The following THBS2 variants were observed in gnomAD, a reference collection of about 807,000 sequenced individuals.
THBS2 encodes the protein thrombospondin 2.
Under a neutral mutation model 135.2 loss-of-function variants are expected in THBS2, and 47 were observed. That is an observed-to-expected ratio of 0.35 (90% CI 0.28 to 0.44). The LOEUF is 0.44. Among genes scored for constraint, THBS2 ranks in the 20% least tolerant of loss-of-function variants. The pLI, the probability that THBS2 is intolerant of heterozygous loss-of-function variation, is 1.00. For missense variants in THBS2, 1,288 were observed against 1,603.1 expected, an observed-to-expected ratio of 0.80 and a Z score of 3.36; for synonymous variants, 639 against 633.8, an observed-to-expected ratio of 1.01 and a Z score of -0.12.
chr6:169,223,957 T>G (rs761071864), intron 17 of THBS2, among the ~76,000 whole-genome samples: 2 of 152,192 alleles, frequency 1.3e-5, no homozygotes, highest in Admixed American at 6.5e-5. Flanking sequence ...CGCTGTTTAG[T>G]GGGTCCTTGT....
chr6:169,220,677 A>G (rs533631498), intron 20 of THBS2, among the ~76,000 whole-genome samples: 2 of 152,328 alleles, frequency 1.3e-5, no homozygotes, highest in East Asian at 1.9e-4. Context: ...GACTCTCCCT[A>G]CTTCACCTTG....
intron 1 of THBS2, among the ~76,000 whole-genome samples, chr6:169,253,005 G>T (rs1326037939): frequency 6.6e-6 from 1 of 152,114 alleles, no homozygotes; most frequent in Non-Finnish European, 1.5e-5. Context: ...CCTTCCTTAA[G>T]TGGTAGCCAG....
Position 169,246,254 on chromosome 6 carries a change from A to G in THBS2, c.637T>C (p.Phe213Leu), listed in dbSNP as rs1267413127. The part of the protein sequence containing the change: ...RGLLQNVHLV[F>L]ENSVEDILSK... ...AGAATATCTTCCACAGAGTTTTCAA[A>G]CACTAGGTGGACGTTCTGAAGCAAA... The change falls in exon 4 of 22, where the codon TTT (phenylalanine) becomes CTT (leucine). Residue 213 changes from phenylalanine (F) to leucine (L), a missense_variant. By Grantham distance (22) the Phe-to-Leu change is conservative. This residue lies in a region of THBS2 where 414 missense variants were observed against 447.0 expected (regional missense o/e 0.93). Transcript: ENST00000617924. 1.2e-6 allele frequency: 2 copies of G among 1,613,848 alleles called. No homozygotes were observed. The highest frequency in any genetic ancestry group is 1.7e-6 in the Non-Finnish European group (2 of 1,180,010).
chr6:169,252,319 C>T lies in THBS2; in HGVS notation c.-23+1405G>A, dbSNP rs143463566. On this transcript the variant is annotated intron_variant, in intron 1 of 21. Coordinates refer to ENST00000617924, the MANE Select transcript of THBS2 (RefSeq NM_003247.5). The surrounding 1 kb of genome is among the most constrained non-coding windows in gnomAD (Gnocchi z 4.3). ...CCTGCATGCAGTAAGCACCACAGAA[C>T]GGTGTTAGAATACACAGCTCAGGTA... Among the ~76,000 whole-genome samples, 23 of 152,216 alleles carry T rather than the reference C, an allele frequency of 1.5e-4. No individual in the cohort carries two copies. The highest frequency in any genetic ancestry group is 9.7e-4 in the East Asian group (5 of 5,136).
At chr6:169,243,063 ACTCCCACCTTCCCACCTTCCCACTG>A (rs1780412757) in intron 4 of THBS2, among the ~76,000 whole-genome samples, 2 of 16,478 alleles carry the variant, frequency 1.2e-4, no homozygotes, top group African/African-American at 2.9e-4. Flanking sequence ...CCTTCCCACC[ACTCCCACCTTCCCACCTTCCCACTG>A]CTCCCACCTT....
At chr6:169,237,565 A>G in intron 8 of THBS2, 60 bp downstream of exon 8, 1 of 1,603,318 alleles carries the variant, frequency 6.2e-7, no homozygotes, top group Non-Finnish European at 8.5e-7. Context: ...GGTCCCGATG[A>G]CTGAGAGAAA....
chr6:169,218,679 A>AGATG (rs138854334), intron 21 of THBS2, among the ~76,000 whole-genome samples: 84,374 of 129,060 alleles, frequency 0.65, 27,389 homozygotes, highest in Middle Eastern at 0.78. Context: ...GCGGATGAGT[A>AGATG]GATGGATGGA....
At position 169,222,298 on chromosome 6, in the gene THBS2, A is replaced by G; in HGVS notation, c.3172T>C (p.Tyr1058His). 1 of 1,613,466 alleles carries G rather than the reference A, an allele frequency of 6.2e-7. No individual in the cohort carries two copies. The highest frequency in any genetic ancestry group is 2.2e-5 in the East Asian group (1 of 44,868). The change falls in exon 19 of 22, where the codon TAT becomes CAT. Residue 1058 changes from tyrosine to histidine, a missense_variant. Around this residue, in one of 2 missense-constraint regions of THBS2, gnomAD observed 874 missense variants for 1,156.1 expected, o/e 0.76. Coordinates refer to ENST00000617924, the MANE Select transcript of THBS2 (RefSeq NM_003247.5). The stretch of plus-strand genomic sequence containing the variant: ...TTGAGGGACACGCCGGAGTAGCCAT[A>G]GGCCCGCGTGGGCTGGTCCTCCCAG... ...TYWEDQPTRA[Y>H]GYSGVSLKVV... is the part of the protein sequence containing the mutation.
chr6:169,246,335 G>T, intron 3 of THBS2, 54 bp from the exon 4 acceptor site: 1 of 1,373,218 alleles, frequency 7.3e-7, no homozygotes. Context: ...TCCAATGTTT[G>T]ATGCCAAGCT....
intron 2 of THBS2, among the ~76,000 whole-genome samples, chr6:169,249,691 C>T (rs1317996785): frequency 6.6e-6 from 1 of 152,186 alleles, no homozygotes; most frequent in Non-Finnish European, 1.5e-5. Context: ...ACCACCTAAG[C>T]TATTGGCAAG....
At chr6:169,217,930 T>C (rs1042100965) in intron 21 of THBS2, 101 bp from the exon 22 acceptor site, 1 of 1,158,426 alleles carries the variant, frequency 8.6e-7, no homozygotes, top group East Asian at 2.5e-5. Flanking sequence ...ATTACTTTAA[T>C]TAAAGATGAG....
At chr6:169,242,971 A>C (rs1426095889) in intron 4 of THBS2, among the ~76,000 whole-genome samples, 2 of 29,498 alleles carry the variant, frequency 6.8e-5, no homozygotes, top group African/African-American at 1.8e-4. Flanking sequence ...CACTGCTCCC[A>C]CCTTCCCACC....
intron 17 of THBS2, among the ~76,000 whole-genome samples, chr6:169,224,908 G>A (rs902428675): frequency 2.0e-5 from 3 of 152,204 alleles, no homozygotes; most frequent in South Asian, 2.1e-4. Context: ...TCCTCCCGAC[G>A]TGCACACACA....
intron 7 of THBS2, 21 bp downstream of exon 7, chr6:169,239,578 T>C (rs757843238): frequency 1.3e-6 from 2 of 1,578,856 alleles, no homozygotes; most frequent in Admixed American, 1.8e-5. Context: ...CAGGATGCGC[T>C]TGCCGGCTGG....
Position 169,217,557 on chromosome 6 carries a change from C to T in THBS2, c.*265G>A, listed in dbSNP as rs1425506935. On this transcript the variant is annotated 3_prime_UTR_variant, in exon 22 of 22. Transcript: ENST00000617924. ...AAGAAAAAGCAATGTAATGGCATGC[C>T]CAATTTTCACTCCACATAAAGTCTC... 4.5e-6 allele frequency: 2 copies of T among 443,224 alleles called. No individual in the cohort carries two copies. The highest frequency in any genetic ancestry group is 3.4e-5 in the East Asian group (1 of 29,584). The allele number at this position is 443,224 out of a possible 1,614,324, so 27.5% of individuals were successfully genotyped here.
chr6:169,227,504 T>C (rs896856414), intron 15 of THBS2, among the ~76,000 whole-genome samples: 3 of 152,172 alleles, frequency 2.0e-5, no homozygotes, highest in African/African-American at 7.2e-5. Flanking sequence ...AATTTTTGAA[T>C]GAAGGGTGAA....
At chr6:169,229,730 C>G (rs760361369) in intron 13 of THBS2, 51 bp from the exon 14 acceptor site, 3 of 1,469,402 alleles carry the variant, frequency 2.0e-6, no homozygotes, top group East Asian at 4.5e-5. Flanking sequence ...GAAAGCGCCT[C>G]TTTCAGGAAT....
rs199509417 is a variant in THBS2 at position 169,232,901 on chromosome 6, C to T, written c.1768G>A (p.Asp590Asn). ...GCGGGGTCACCCACCTCGTCCAGGT[C>T]CTCACAGTGGGTGCCATTGCCCAAG... Reference protein sequence around the residue: ...GFLGNGTHCEDLDECALVPDI... With the variant: ...GFLGNGTHCENLDECALVPDI... Residue 590 changes from aspartate to asparagine, a missense_variant, in exon 11 of 22, where the codon GAC becomes AAC. Transcript: ENST00000617924. The T allele has an allele frequency of 9.1e-5, 145 of 1,594,218 alleles. No homozygotes were observed. Among genetic ancestry groups the T allele is most frequent in the Middle Eastern group, 5.0e-4 (3 of 5,994 alleles).
chr6:169,218,570 GTGGA>G lies in THBS2; in HGVS notation c.3512-745_3512-742del, dbSNP rs527641057. ...TAGATGGATAGGTGGATGGGGCTGG[GTGGA>G]TGGATGGATGAGATGGGTGGGTGTG... On this transcript the variant is annotated intron_variant, in intron 21 of 21. Transcript: ENST00000617924. Among the ~76,000 whole-genome samples, 66 of 142,676 alleles carry G rather than the reference GTGGA, an allele frequency of 4.6e-4. 2 individuals are homozygous for G. In the East Asian group the frequency reaches 0.014, roughly 30 times the overall value. The allele number at this position is 142,676 out of a possible 152,430, so 93.6% of individuals were successfully genotyped here.
Sources: gnomAD v4.1 joint callset for allele counts (sites outside exome capture counted in the v4.1 genomes callset) on GRCh38, gnomAD v4.1.1 for gene constraint, gnomAD v4.1.1 regional missense constraint, Gnocchi (gnomAD v3.1) non-coding constraint, MANE v1.5 for transcripts, NCBI Gene and HGNC (gene_info 2026-07-23, HGNC 2026-07-21) for gene names.